The following NAV3 variants were observed in gnomAD, a reference collection of about 807,000 sequenced individuals.
NAV3 encodes the protein pore membrane and/or filament interacting like protein 1.
A neutral mutation model predicts 244.7 loss-of-function variants in NAV3; 87 were observed. The ratio of observed to expected loss-of-function variants is 0.36; its 90% confidence interval spans 0.30 to 0.42. The LOEUF is 0.42. Among genes scored for constraint, NAV3 ranks in the 20% least tolerant of loss-of-function variants. NAV3 has a pLI of 1.00. For missense variants in NAV3, 2,663 were observed against 2,893.3 expected (o/e 0.92, Z 1.83); for synonymous variants, 1,126 against 1,042.2 (o/e 1.08, Z -1.55).
At chr12:77,887,098 C>G (rs1883383431) in intron 1 of NAV3, among the ~76,000 whole-genome samples, 1 of 152,120 alleles carries the variant, frequency 6.6e-6, no homozygotes, top group South Asian at 2.1e-4. Flanking sequence ...AGAGGAACCT[C>G]TCACAGTGGC....
At chr12:77,929,944 T>G (rs1395950107) in intron 1 of NAV3, among the ~76,000 whole-genome samples, 1 of 151,760 alleles carries the variant, frequency 6.6e-6, no homozygotes, top group Non-Finnish European at 1.5e-5. Flanking sequence ...CCACCATGCC[T>G]GGTCTATAAA....
At chr12:77,912,527 C>A (rs1000896890) in intron 1 of NAV3, among the ~76,000 whole-genome samples, 1 of 152,146 alleles carries the variant, frequency 6.6e-6, no homozygotes, top group Non-Finnish European at 1.5e-5. Context: ...TCTACATATA[C>A]ACATTTGTCC....
At chr12:77,598,552 CTT>C (rs1183318355) in intron 2 of NAV3, among the ~76,000 whole-genome samples, 1 of 151,868 alleles carries the variant, frequency 6.6e-6, no homozygotes, top group Non-Finnish European at 1.5e-5. Flanking sequence ...GCTTGATTGA[CTT>C]TATTTGTTTT....
chr12:77,631,867 A>G (rs1871915548), intron 2 of NAV3, among the ~76,000 whole-genome samples: 1 of 152,204 alleles, frequency 6.6e-6, no homozygotes, highest in African/African-American at 2.4e-5. Context: ...GGCCTATTCC[A>G]CTTTCCTAAA....
intron 12 of NAV3, among the ~76,000 whole-genome samples, chr12:78,106,913 C>A (rs1954830447): frequency 6.6e-6 from 1 of 152,188 alleles, no homozygotes; most frequent in African/African-American, 2.4e-5. Flanking sequence ...AATAACCACA[C>A]CCTAACCTAC....
intron 2 of NAV3, among the ~76,000 whole-genome samples, chr12:77,637,982 A>C (rs1473207409): frequency 6.6e-6 from 1 of 152,198 alleles, no homozygotes; most frequent in Non-Finnish European, 1.5e-5. Context: ...AACAGGCACT[A>C]TTTGATGCAT....
At chr12:78,008,424 G>C (rs1874627283) in intron 8 of NAV3, among the ~76,000 whole-genome samples, 1 of 152,100 alleles carries the variant, frequency 6.6e-6, no homozygotes, top group Non-Finnish European at 1.5e-5. Context: ...AGTAACTGCT[G>C]TGTCCCCAGT....
At chr12:77,674,830 C>G (rs148237747) in intron 2 of NAV3, among the ~76,000 whole-genome samples, 16 of 152,252 alleles carry the variant, frequency 1.1e-4, no homozygotes, top group African/African-American at 3.9e-4. Context: ...CAAATCAGAC[C>G]TGACTTCTGT....
intron 12 of NAV3, among the ~76,000 whole-genome samples, chr12:78,100,891 T>C (rs1208479788): frequency 6.6e-6 from 1 of 152,166 alleles, no homozygotes; most frequent in African/African-American, 2.4e-5. Flanking sequence ...TTGTCTTTAT[T>C]GCTCTTTCCT....
chr12:78,000,628 C>A (rs1231726163), intron 7 of NAV3, among the ~76,000 whole-genome samples: 1 of 141,826 alleles, frequency 7.1e-6, no homozygotes, highest in East Asian at 2.1e-4. Context: ...CTCAGCCTCC[C>A]GAGTAGCTGG....
intron 2 of NAV3, among the ~76,000 whole-genome samples, chr12:77,640,564 C>T (rs563316768): frequency 6.6e-6 from 1 of 152,024 alleles, no homozygotes; most frequent in Admixed American, 6.6e-5. Flanking sequence ...ATAATATCTG[C>T]CAGTTTAATC....
intron 18 of NAV3, 76 bp downstream of exon 18, chr12:78,128,942 A>G (rs1956045842): frequency 7.3e-7 from 1 of 1,362,800 alleles, no homozygotes; most frequent in Non-Finnish European, 1.0e-6. Flanking sequence ...GAATCTCTCC[A>G]TAACACAACA....
intron 5 of NAV3, among the ~76,000 whole-genome samples, chr12:77,971,171 G>T (rs1012364617): frequency 6.6e-6 from 1 of 151,984 alleles, no homozygotes; most frequent in Non-Finnish European, 1.5e-5. Flanking sequence ...ATACTCTTTT[G>T]TGGAAGGATG....
At chr12:77,637,875 A>G (rs1872224207) in intron 2 of NAV3, among the ~76,000 whole-genome samples, 1 of 152,232 alleles carries the variant, frequency 6.6e-6, no homozygotes. Context: ...TGGTACTGTG[A>G]TATGGCAGTC....
At position 78,156,345 on chromosome 12, in the gene NAV3, T is replaced by C. The variant is rs114673083; in HGVS notation, c.4786-2858T>C. 6.8e-3 allele frequency among the ~76,000 whole-genome samples: 1,031 copies of C among 152,166 alleles called. 10 individuals are homozygous for C. Among genetic ancestry groups the C allele is most frequent in the African/African-American group, 0.024 (982 of 41,552 alleles). Reference sequence around the variant, plus strand: ...TAACATAATCATAACATACATTTCATTGAAAACAACACGACTCAAAATGTT... The same window carrying C: ...TAACATAATCATAACATACATTTCACTGAAAACAACACGACTCAAAATGTT... On this transcript the variant is annotated intron_variant, in intron 22 of 39. Transcript: ENST00000397909.
rs1354141098 is a variant in NAV3, at chr12:78,185,587, T to G, written c.5693-14T>G. The G allele has an allele frequency of 3.7e-6, 6 of 1,604,288 alleles. No homozygotes were observed. The East Asian group carries it at 9.0e-5, about 24-fold the overall frequency. ...TTATACTGTTGTGTATGTCTTTCTT[T>G]TAAAATTTGATAGATATTTTGCTAG... On this transcript the variant is annotated splice_polypyrimidine_tract_variant and intron_variant, in intron 30 of 39. Coordinates refer to ENST00000397909, the MANE Select transcript of NAV3 (RefSeq NM_001024383.2).
chr12:77,664,817 A>G (rs995559380), intron 2 of NAV3, among the ~76,000 whole-genome samples: 3 of 152,232 alleles, frequency 2.0e-5, no homozygotes, highest in Non-Finnish European at 4.4e-5. Context: ...CAAAAAAGAG[A>G]AAACACTCTA....
intron 9 of NAV3, among the ~76,000 whole-genome samples, chr12:78,029,883 G>T (rs2136941007): frequency 6.6e-6 from 1 of 152,250 alleles, no homozygotes; most frequent in East Asian, 1.9e-4. Context: ...TATAAATTCA[G>T]TCAGGAATGA....
intron 1 of NAV3, among the ~76,000 whole-genome samples, chr12:77,927,276 G>A (rs1888315965): frequency 6.6e-6 from 1 of 152,188 alleles, no homozygotes; most frequent in Non-Finnish European, 1.5e-5. Flanking sequence ...AGTACTAGAT[G>A]TTGCAGCAGT....
Sources: gnomAD v4.1 joint callset for allele counts (sites outside exome capture counted in the v4.1 genomes callset) on GRCh38, gnomAD v4.1.1 for gene constraint, MANE v1.5 for transcripts, NCBI Gene and HGNC (gene_info 2026-07-23, HGNC 2026-07-21) for gene names.